Variants in SEZ6L observed in about 807,000 individuals in gnomAD.
SEZ6L encodes the protein seizure 6-like protein.
Under a neutral mutation model 106.2 loss-of-function variants are expected in SEZ6L, and 37 were observed. The ratio of observed to expected loss-of-function variants is 0.35; its 90% CI spans 0.27 to 0.46. The LOEUF is 0.46. Among genes scored for constraint, SEZ6L ranks in the 20% least tolerant of loss-of-function variants. The pLI is 1.00. For missense variants in SEZ6L, 1,172 were observed against 1,332.8 expected (o/e 0.88, Z 1.88); for synonymous variants, 541 against 570.4 (o/e 0.95, Z 0.73).
At chr22:26,291,463 G>A (rs984318139) in intron 1 of SEZ6L, among the ~76,000 whole-genome samples, 1 of 151,356 alleles carries the variant, frequency 6.6e-6, no homozygotes, top group Admixed American at 6.6e-5. Flanking sequence ...GGGGAGGGGA[G>A]AGCATTAGGA....
At chr22:26,224,879 A>G (rs2078590870) in intron 1 of SEZ6L, among the ~76,000 whole-genome samples, 1 of 152,172 alleles carries the variant, frequency 6.6e-6, no homozygotes, top group South Asian at 2.1e-4. Context: ...GGGACTTAGA[A>G]CTGCAACCAC....
At chr22:26,326,813 GA>G (rs2082318352) in intron 9 of SEZ6L, among the ~76,000 whole-genome samples, 1 of 152,242 alleles carries the variant, frequency 6.6e-6, no homozygotes, top group African/African-American at 2.4e-5. Flanking sequence ...GCAGGAGGCA[GA>G]GGGGCAGCAG....
chr22:26,339,918 C>T (rs1204058779), intron 9 of SEZ6L, among the ~76,000 whole-genome samples: 1 of 152,138 alleles, frequency 6.6e-6, no homozygotes, highest in Non-Finnish European at 1.5e-5. Context: ...CAGCCAAGAC[C>T]ATTGCATCAA....
At chr22:26,320,497 T>C (rs1486648465) in intron 9 of SEZ6L, among the ~76,000 whole-genome samples, 3 of 152,210 alleles carry the variant, frequency 2.0e-5, no homozygotes, top group Non-Finnish European at 4.4e-5. Flanking sequence ...ATCATGGACA[T>C]GTGAGGACTG....
intron 1 of SEZ6L, among the ~76,000 whole-genome samples, chr22:26,179,507 A>G (rs62224243): frequency 0.2 from 30,766 of 152,204 alleles, 3,292 homozygotes; most frequent in Non-Finnish European, 0.23. Flanking sequence ...TGAATCTGCC[A>G]GCACATTGAT....
chr22:26,266,383 A>AC (rs2080180230), intron 1 of SEZ6L, among the ~76,000 whole-genome samples: 1 of 150,120 alleles, frequency 6.7e-6, no homozygotes, highest in African/African-American at 2.5e-5. Flanking sequence ...ACACAGTGAA[A>AC]CCCCGTCTCT....
At chr22:26,347,254 CA>C (rs1008352475) in intron 10 of SEZ6L, among the ~76,000 whole-genome samples, 3 of 151,234 alleles carry the variant, frequency 2.0e-5, no homozygotes, top group Non-Finnish European at 4.4e-5. Context: ...AAATGAAAAG[CA>C]AAAGTAAAAT....
intron 6 of SEZ6L, among the ~76,000 whole-genome samples, 190 bp downstream of exon 6, chr22:26,306,334 G>T (rs551215632): frequency 6.6e-6 from 1 of 152,314 alleles, no homozygotes; most frequent in South Asian, 2.1e-4. Context: ...AAGGAAACCA[G>T]GGTATGCAGA....
Position 26,198,468 on chromosome 22 carries a change from C to G in SEZ6L, c.94+28705C>G, listed in dbSNP as rs1029696424. On this transcript the variant is annotated intron_variant, in intron 1 of 16. Coordinates refer to ENST00000248933, the MANE Select transcript of SEZ6L (RefSeq NM_021115.5). ...ATGTTCAGAGAGACAATGGGGACAA[C>G]AAGCATAAAATAAAACCAGGAAGTA... Among the ~76,000 whole-genome samples the G allele has an allele frequency of 3.3e-5, 5 of 152,216 alleles. No homozygotes were observed. The East Asian group carries it at 5.8e-4, about 18-fold the overall frequency.
At position 26,351,737 on chromosome 22, in the gene SEZ6L, G is replaced by A. The variant is rs190475613; in HGVS notation, c.2599+494G>A. ...AATTTTTATATTTTTAGTAAAGATG[G>A]GGTTTCACCATGTTGGCCAGGCTGG... On this transcript the variant is annotated intron_variant, in intron 12 of 16. Transcript: ENST00000248933. Among the ~76,000 whole-genome samples, 323 of 152,124 alleles carry A rather than the reference G, an allele frequency of 2.1e-3. 2 individuals carry two copies. Among genetic ancestry groups the A allele is most frequent in the African/African-American group, 7.2e-3 (299 of 41,498 alleles).
intron 12 of SEZ6L, among the ~76,000 whole-genome samples, chr22:26,361,128 C>T (rs1033264468): frequency 5.3e-5 from 8 of 151,994 alleles, no homozygotes; most frequent in East Asian, 1.9e-4. Flanking sequence ...GATTATAAGA[C>T]TATTATTATT....
intron 1 of SEZ6L, among the ~76,000 whole-genome samples, chr22:26,210,777 C>T (rs1449435703): frequency 6.6e-6 from 1 of 152,154 alleles, no homozygotes; most frequent in African/African-American, 2.4e-5. Context: ...CCAAAACTAG[C>T]CCACATGCAT....
intron 9 of SEZ6L, among the ~76,000 whole-genome samples, chr22:26,324,927 G>A (rs935865995): frequency 3.3e-5 from 5 of 152,278 alleles, no homozygotes; most frequent in South Asian, 2.1e-4. Flanking sequence ...AGAGATCAGC[G>A]TTGTGCTTCT....
chr22:26,229,879 A>G (rs1262290158), intron 1 of SEZ6L, among the ~76,000 whole-genome samples: 1 of 152,246 alleles, frequency 6.6e-6, no homozygotes, highest in African/African-American at 2.4e-5. Flanking sequence ...CTGCTCTGCC[A>G]GGAAAGGCAA....
intron 1 of SEZ6L, among the ~76,000 whole-genome samples, chr22:26,177,078 A>G (rs1381955015): frequency 6.6e-6 from 1 of 152,210 alleles, no homozygotes; most frequent in African/African-American, 2.4e-5. Context: ...ATGTTAAATG[A>G]CTTTTCCTCT....
chr22:26,347,326 A>G (rs905090945), intron 10 of SEZ6L, among the ~76,000 whole-genome samples: 6 of 152,180 alleles, frequency 3.9e-5, no homozygotes, highest in Admixed American at 1.3e-4. Flanking sequence ...AGAGTCATCC[A>G]GTGACATCTG....
At chr22:26,288,153 A>G (rs930886055) in intron 1 of SEZ6L, among the ~76,000 whole-genome samples, 2 of 152,180 alleles carry the variant, frequency 1.3e-5, no homozygotes, top group African/African-American at 4.8e-5. Flanking sequence ...CAAGCCTTGG[A>G]AAGAGTCAAA....
intron 10 of SEZ6L, among the ~76,000 whole-genome samples, chr22:26,346,192 T>C (rs2083001591): frequency 6.6e-6 from 1 of 151,876 alleles, no homozygotes; most frequent in South Asian, 2.1e-4. Context: ...CATACCTGGC[T>C]CATTTTTTTG....
Position 26,203,695 on chromosome 22 carries a change from TA to T in SEZ6L, c.94+33940del, listed in dbSNP as rs953834948. Among the ~76,000 whole-genome samples, 6 of 152,090 alleles carry T rather than the reference TA, an allele frequency of 3.9e-5. No homozygotes were observed. The East Asian group carries it at 9.7e-4, about 24-fold the overall frequency. The stretch of plus-strand genomic sequence containing the variant: ...ACACTTTATTACTCCATGCTACAGT[TA>T]AAAAAAACTGACGTTCAGAGAGGTG... On this transcript the variant is annotated intron_variant, in intron 1 of 16. Coordinates refer to ENST00000248933, the MANE Select transcript of SEZ6L (RefSeq NM_021115.5).
Sources: gnomAD v4.1 joint callset for allele counts (sites outside exome capture counted in the v4.1 genomes callset) on GRCh38, gnomAD v4.1.1 for gene constraint, MANE v1.5 for transcripts, NCBI Gene and HGNC (gene_info 2026-07-23, HGNC 2026-07-21) for gene names.